SPTBN4: variants seen among roughly 807,000 people sequenced by gnomAD.
SPTBN4 encodes the protein spectrin beta chain, non-erythrocytic 4.
Under a neutral mutation model 277.8 loss-of-function variants are expected in SPTBN4, and 96 were observed. The observed-to-expected ratio is 0.35, with a 90% confidence interval of 0.29 to 0.41. The LOEUF is 0.41. Among genes scored for constraint, SPTBN4 ranks in the 10% least tolerant of loss-of-function variants. The probability of loss-of-function intolerance (pLI) is 1.00; values close to 1 mark genes in which losing one functional copy is unlikely to be tolerated. For synonymous variants in SPTBN4, 1,481 were observed against 1,580.3 expected (o/e 0.94, Z 1.49); for missense variants, 3,006 against 3,595.7 (o/e 0.84, Z 4.19).
At chr19:40,474,901 A>G (rs2079929832) in intron 2 of SPTBN4, among the ~76,000 whole-genome samples, 1 of 151,972 alleles carries the variant, frequency 6.6e-6, no homozygotes, top group Non-Finnish European at 1.5e-5. Context: ...TCAAAACAAA[A>G]CAAAAAAATT....
intron 20 of SPTBN4, among the ~76,000 whole-genome samples, chr19:40,547,121 C>T (rs577741662): frequency 6.6e-6 from 1 of 152,010 alleles, no homozygotes; most frequent in South Asian, 2.1e-4. Context: ...TGTTGGTGTG[C>T]TGCACCCATT....
intron 16 of SPTBN4, among the ~76,000 whole-genome samples, chr19:40,522,819 T>G (rs1280184392): frequency 6.6e-6 from 1 of 151,968 alleles, no homozygotes. Flanking sequence ...TATTGCCAGG[T>G]ACATGCTATG....
intron 26 of SPTBN4, 81 bp downstream of exon 26, chr19:40,557,484 G>A: frequency 1.4e-6 from 2 of 1,474,018 alleles, no homozygotes; most frequent in Non-Finnish European, 1.8e-6. Context: ...TCAGGCTGTG[G>A]AGCAGGTCGA....
At chr19:40,507,464 G>A (rs2080343087) in intron 13 of SPTBN4, among the ~76,000 whole-genome samples, 1 of 152,026 alleles carries the variant, frequency 6.6e-6, no homozygotes, top group South Asian at 2.1e-4. Context: ...AGAGCTTTGG[G>A]AGGCAAAGAT....
intron 15 of SPTBN4, among the ~76,000 whole-genome samples, chr19:40,516,042 T>C (rs187131527): frequency 2.0e-4 from 29 of 144,192 alleles, no homozygotes; most frequent in East Asian, 1.2e-3. Flanking sequence ...CACATATATA[T>C]GTATATATAT....
At chr19:40,481,630 C>T (rs1431938495) in intron 2 of SPTBN4, among the ~76,000 whole-genome samples, 8 of 152,066 alleles carry the variant, frequency 5.3e-5, no homozygotes, top group Non-Finnish European at 1.0e-4. Context: ...CGCACACCAC[C>T]ACGCTCAGCT....
intron 18 of SPTBN4, among the ~76,000 whole-genome samples, chr19:40,530,217 T>C (rs1192315490): frequency 6.6e-6 from 1 of 151,830 alleles, no homozygotes; most frequent in Non-Finnish European, 1.5e-5. Flanking sequence ...CCCACTCCCT[T>C]AGTGAGGCAG....
At chr19:40,486,412 C>G (rs933330008) in intron 2 of SPTBN4, among the ~76,000 whole-genome samples, 1 of 151,740 alleles carries the variant, frequency 6.6e-6, no homozygotes. Context: ...CTCTGTCACC[C>G]TTGCTGGAGT....
At chr19:40,514,317 T>C (rs1349798245) in intron 14 of SPTBN4, among the ~76,000 whole-genome samples, 2 of 152,218 alleles carry the variant, frequency 1.3e-5, no homozygotes, top group African/African-American at 4.8e-5. Flanking sequence ...GATTTAAAGA[T>C]GGGAGGACCA....
Position 40,513,064 on chromosome 19 carries a change from G to C in SPTBN4, c.2275G>C (p.Glu759Gln), listed in dbSNP as rs2080411583. 7.0e-7 allele frequency: 1 copy of C among 1,419,768 alleles called. No homozygotes were observed. The highest frequency in any genetic ancestry group is 3.1e-5 in the Admixed American group (1 of 32,050). The allele number at this position is 1,419,768 out of a possible 1,614,324, so 87.9% of individuals were successfully genotyped here. Residue 759 changes from glutamate (E) to glutamine (Q), a missense_variant, in exon 14 of 36, where the codon GAA (glutamate) becomes CAA (glutamine). Transcript: ENST00000598249. ...CGCCCGGCGCCGCTGGCAGAGGCTG[G>C]AAGAGGCGGCGGCGCGGCGAGAGCG... is the stretch of plus-strand genomic sequence containing the variant. ...ASARRRWQRL[E>Q]EAAARRERRL... is the part of the protein sequence containing the mutation.
chr19:40,483,629 G>A lies in SPTBN4; in HGVS notation c.170-4068G>A, dbSNP rs888587461. Among the ~76,000 whole-genome samples, 3 of 152,186 alleles carry A rather than the reference G, an allele frequency of 2.0e-5. No individual in the cohort carries two copies. The East Asian group carries it at 5.8e-4, about 29-fold the overall frequency. On this transcript the variant is annotated intron_variant, in intron 2 of 35. Coordinates refer to ENST00000598249, the MANE Select transcript of SPTBN4 (RefSeq NM_020971.3). ...GGTTTTGTGCTGTTTAGATAAGATG[G>A]GACCCTATGTGAATACTGATCATCA...
chr19:40,571,890 A>T, intron 33 of SPTBN4, 129 bp from the exon 34 acceptor site: 1 of 1,080,250 alleles, frequency 9.3e-7, no homozygotes, highest in Non-Finnish European at 1.3e-6. Context: ...AGGTCCAACT[A>T]GGGCGCAACT....
intron 5 of SPTBN4, 69 bp from the exon 6 acceptor site, chr19:40,494,828 G>T (rs191380526): frequency 7.1e-7 from 1 of 1,406,420 alleles, no homozygotes; most frequent in Non-Finnish European, 1.0e-6. Context: ...GTCTCCCTCT[G>T]TCTTTTTCCC....
At chr19:40,562,188 G>A (rs1370500718) in intron 27 of SPTBN4, among the ~76,000 whole-genome samples, 2 of 152,126 alleles carry the variant, frequency 1.3e-5, no homozygotes, top group Non-Finnish European at 2.9e-5. Context: ...AGGAACGTGG[G>A]AGCCATGCGA....
chr19:40,467,776 C>T (rs56214253), intron 1 of SPTBN4, among the ~76,000 whole-genome samples: 24,725 of 152,136 alleles, frequency 0.16, 2,364 homozygotes, highest in African/African-American at 0.26. Flanking sequence ...GCCTCCCCAT[C>T]TCTAAGTGTC....
intron 17 of SPTBN4, 45 bp from the exon 18 acceptor site, chr19:40,528,996 C>T: frequency 6.5e-7 from 1 of 1,541,928 alleles, no homozygotes; most frequent in Non-Finnish European, 9.0e-7. Context: ...GCGCCGCACC[C>T]CCCAACCCGG....
intron 3 of SPTBN4, among the ~76,000 whole-genome samples, chr19:40,489,304 T>C (rs1384571805): frequency 6.6e-6 from 1 of 151,108 alleles, no homozygotes; most frequent in East Asian, 1.9e-4. Flanking sequence ...GGAAGAGCAC[T>C]GGGGCAGGGC....
chr19:40,523,519 C>T lies in SPTBN4; in HGVS notation c.3737C>T (p.Thr1246Ile), dbSNP rs144445272. 1.2e-6 allele frequency: 2 copies of T among 1,614,054 alleles called. No homozygotes were observed. The highest frequency in any genetic ancestry group is 1.3e-5 in the African/African-American group (1 of 74,952). Residue 1246 changes from threonine (T) to isoleucine (I), a missense_variant, in exon 17 of 36, where the codon ACC becomes ATC. Transcript: ENST00000598249. The part of the protein sequence containing the change: ...EALKQHRDFL[T>I]TMELSQQKMQ... ...TTGAAACAGCACCGTGACTTTCTCA[C>T]CACCATGGAGCTGAGCCAGCAAAAG... is the stretch of plus-strand genomic sequence containing the variant.
Position 40,503,885 on chromosome 19 carries a change from C to T in SPTBN4, c.1418C>T (p.Ala473Val), listed in dbSNP as rs762279550. Reference protein sequence around the residue: ...AVEAAMKKHEAIEADIAAYEE... With the variant: ...AVEAAMKKHEVIEADIAAYEE... ...GAGGCAGCCATGAAGAAACACGAAGCGATCGAGGCAGACATTGCGGCCTAC... is the reference window on the plus strand; with the variant it reads ...GAGGCAGCCATGAAGAAACACGAAGTGATCGAGGCAGACATTGCGGCCTAC... The change falls in exon 12 of 36, where the codon GCG becomes GTG. Residue 473 changes from alanine (A) to valine (V), a missense_variant. Ala to Val is a moderately conservative substitution (Grantham distance 64). Around this residue, in one of 5 missense-constraint regions of SPTBN4, gnomAD observed 1,759 missense variants for 2,061.5 expected, o/e 0.85. Coordinates refer to ENST00000598249, the MANE Select transcript of SPTBN4 (RefSeq NM_020971.3). The T allele has an allele frequency of 1.2e-6, 2 of 1,608,652 alleles. No individual in the cohort carries two copies. The highest frequency in any genetic ancestry group is 1.7e-4 in the Middle Eastern group (1 of 6,044).
Sources: allele counts gnomAD v4.1 joint callset (sites outside exome capture counted in the v4.1 genomes callset), GRCh38; gene constraint gnomAD v4.1.1; regional missense constraint gnomAD v4.1.1; transcripts MANE v1.5; gene names NCBI Gene and HGNC (gene_info 2026-07-23, HGNC 2026-07-21).